Variants in DLG2 observed in about 807,000 individuals in gnomAD.
DLG2 encodes the protein disks large homolog 2.
In DLG2, 45 loss-of-function variants were observed where a neutral mutation model predicts 132.5. The observed-to-expected ratio is 0.34, with a 90% CI of 0.27 to 0.44. DLG2 has a LOEUF of 0.44. DLG2 is among the 20% of genes least tolerant of loss of function. DLG2 has a pLI of 1.00. For synonymous variants in DLG2, 424 were observed against 419.6 expected (o/e 1.01, Z -0.13); for missense variants, 1,045 against 1,196.9 (o/e 0.87, Z 1.87).
rs1019253627 is a variant in DLG2, at chr11:83,457,240, T to C, written c.*2578A>G. The C allele has an allele frequency of 2.0e-5, 3 of 152,560 alleles. No homozygotes were observed. The highest frequency in any genetic ancestry group is 2.9e-5 in the Non-Finnish European group (2 of 68,032). 9.5% of individuals were successfully genotyped at this position (152,560 alleles called of 1,614,324 possible). On this transcript the variant is annotated 3_prime_UTR_variant, in exon 28 of 28. Coordinates refer to ENST00000376104, the MANE Select transcript of DLG2 (RefSeq NM_001142699.3). Reference sequence around the variant, plus strand: ...TGCACCAGATGTAATCTGGGTAACTTTCATGCCATTTCCATACAAGTCATC... The same window carrying C: ...TGCACCAGATGTAATCTGGGTAACTCTCATGCCATTTCCATACAAGTCATC...
At chr11:83,510,345 A>G (rs922379361) in intron 21 of DLG2, among the ~76,000 whole-genome samples, 1 of 152,012 alleles carries the variant, frequency 6.6e-6, no homozygotes, top group African/African-American at 2.4e-5. Context: ...CCAGACTCAG[A>G]GAGTAAGAGG....
chr11:85,500,535 G>A (rs1178999728), intron 3 of DLG2, among the ~76,000 whole-genome samples: 10 of 79,184 alleles, frequency 1.3e-4, no homozygotes, highest in South Asian at 3.9e-4. Context: ...AAAACTTAGA[G>A]TATAATAAAA....
chr11:83,747,681 G>A (rs1276661804), intron 18 of DLG2, among the ~76,000 whole-genome samples: 1 of 151,768 alleles, frequency 6.6e-6, no homozygotes, highest in Admixed American at 6.6e-5. Flanking sequence ...CACCGCACCC[G>A]GTTTTGAATT....
At chr11:84,840,051 C>T (rs1315561515) in intron 6 of DLG2, among the ~76,000 whole-genome samples, 1 of 152,060 alleles carries the variant, frequency 6.6e-6, no homozygotes, top group Non-Finnish European at 1.5e-5. Flanking sequence ...AGTGAACAGG[C>T]AACCTACAGA....
At chr11:84,897,326 A>G (rs1450540162) in intron 6 of DLG2, among the ~76,000 whole-genome samples, 7 of 152,020 alleles carry the variant, frequency 4.6e-5, no homozygotes, top group African/African-American at 1.4e-4. Flanking sequence ...GTCACAAAGT[A>G]CATACATTTA....
intron 7 of DLG2, among the ~76,000 whole-genome samples, chr11:84,480,665 G>A (rs928132243): frequency 6.6e-6 from 1 of 151,814 alleles, no homozygotes; most frequent in African/African-American, 2.4e-5. Flanking sequence ...CTTACTGTGA[G>A]ACTGAAATAT....
At chr11:83,744,223 A>C (rs1194099505) in intron 18 of DLG2, among the ~76,000 whole-genome samples, 1 of 152,104 alleles carries the variant, frequency 6.6e-6, no homozygotes, top group African/African-American at 2.4e-5. Flanking sequence ...TGTGTTCTTG[A>C]CTTTGATCCA....
At chr11:85,452,477 C>T (rs755338303) in intron 3 of DLG2, 90 of 176,776 alleles carry the variant, frequency 5.1e-4, no homozygotes, top group Non-Finnish European at 8.0e-4. Context: ...CCACCATATC[C>T]TTCCTGACAG....
At chr11:84,069,658 T>C (rs2096728451) in intron 10 of DLG2, among the ~76,000 whole-genome samples, 1 of 152,208 alleles carries the variant, frequency 6.6e-6, no homozygotes, top group African/African-American at 2.4e-5. Flanking sequence ...TATTTGCCAC[T>C]TCATTTCCCT....
At chr11:84,930,506 G>C (rs2047959190) in intron 6 of DLG2, among the ~76,000 whole-genome samples, 1 of 152,046 alleles carries the variant, frequency 6.6e-6, no homozygotes, top group African/African-American at 2.4e-5. Flanking sequence ...TCTTTTGAAA[G>C]GCGATTGCAA....
chr11:83,483,772 A>AACAT (rs2093318280), intron 22 of DLG2, among the ~76,000 whole-genome samples: 2 of 152,170 alleles, frequency 1.3e-5, no homozygotes, highest in Admixed American at 1.3e-4. Context: ...CATTCCAAAA[A>AACAT]ACATATGTGG....
In DLG2 at chr11:84,169,935, TA is replaced by T. The variant is rs557320175; in HGVS notation, c.574-6425del. Among the ~76,000 whole-genome samples, 349 of 152,024 alleles carry T rather than the reference TA, an allele frequency of 2.3e-3. 4 individuals carry two copies. In the South Asian group the frequency reaches 0.026, roughly 11 times the overall value. ...ATCTTGTGTATACTCACTTTTCATT[TA>T]AAAAAAATATTCCCTTGCCCAGTAT... On this transcript the variant is annotated intron_variant, in intron 8 of 27. Coordinates refer to ENST00000376104, the MANE Select transcript of DLG2 (RefSeq NM_001142699.3).
At chr11:84,234,548 ATT>A (rs1322450160) in intron 8 of DLG2, among the ~76,000 whole-genome samples, 1 of 152,166 alleles carries the variant, frequency 6.6e-6, no homozygotes, top group Non-Finnish European at 1.5e-5. Flanking sequence ...CAAAAATAAA[ATT>A]CTAAGCCCCC....
intron 8 of DLG2, among the ~76,000 whole-genome samples, chr11:84,178,275 C>A (rs11820287): frequency 4.2e-3 from 645 of 152,226 alleles, no homozygotes; most frequent in African/African-American, 0.014. Context: ...TGGAAGTAGT[C>A]TAAGGTTGCA....
At chr11:84,840,405 GT>G (rs1450442260) in intron 6 of DLG2, among the ~76,000 whole-genome samples, 1 of 152,166 alleles carries the variant, frequency 6.6e-6, no homozygotes, top group Admixed American at 6.5e-5. Flanking sequence ...GTGTAAACTA[GT>G]TCCACCATTG....
Position 84,852,588 on chromosome 11 carries a change from A to G in DLG2, c.357+259073T>C, listed in dbSNP as rs756566850. 8.6e-5 allele frequency among the ~76,000 whole-genome samples: 13 copies of G among 151,886 alleles called. 1 individual carries two copies. Among genetic ancestry groups the G allele is most frequent in the Non-Finnish European group, 1.5e-4 (10 of 67,858 alleles). ...AATAGTCCTGATCTTTGATGATCTC[A>G]GATACCAGAAAAAAAGTTCTTCACT... On this transcript the variant is annotated intron_variant, in intron 6 of 27. Transcript: ENST00000376104.
At chr11:83,623,842 C>A (rs1441366230) in intron 19 of DLG2, among the ~76,000 whole-genome samples, 1 of 152,186 alleles carries the variant, frequency 6.6e-6, no homozygotes, top group Non-Finnish European at 1.5e-5. Context: ...GGGAAGCTCC[C>A]TCAATTTTTT....
chr11:83,567,318 T>A (rs2096725545), intron 19 of DLG2, among the ~76,000 whole-genome samples: 1 of 152,182 alleles, frequency 6.6e-6, no homozygotes, highest in South Asian at 2.1e-4. Context: ...TAAAAGCCCC[T>A]TTTTAGTCTA....
At chr11:84,726,172 T>C (rs2062428156) in intron 6 of DLG2, among the ~76,000 whole-genome samples, 1 of 152,138 alleles carries the variant, frequency 6.6e-6, no homozygotes, top group African/African-American at 2.4e-5. Flanking sequence ...ATGTGCAGTT[T>C]TGTTACATAG....
Sources: gnomAD v4.1 joint callset for allele counts (sites outside exome capture counted in the v4.1 genomes callset) on GRCh38, gnomAD v4.1.1 for gene constraint, MANE v1.5 for transcripts, NCBI Gene and HGNC (gene_info 2026-07-23, HGNC 2026-07-21) for gene names.